INO80: variants seen among roughly 807,000 people sequenced by gnomAD.
INO80 encodes the protein INO80 complex ATPase subunit, also known as chromatin-remodeling ATPase INO80.
Under a neutral mutation model 203.4 loss-of-function variants are expected in INO80, and 20 were observed. The observed-to-expected ratio is 0.10, with a 90% CI of 0.07 to 0.14. INO80 has a LOEUF of 0.14. Ranked by LOEUF, INO80 falls within the 10% of genes least tolerant of loss-of-function variation. INO80 has a pLI of 1.00. For missense variants in INO80, 1,419 were observed against 1,914.4 expected (o/e 0.74, Z 4.83); for synonymous variants, 726 against 685.2 (o/e 1.06, Z -0.93).
chr15:41,112,220 A>AT (rs2045968235), intron 1 of INO80, among the ~76,000 whole-genome samples: 1 of 152,108 alleles, frequency 6.6e-6, no homozygotes, highest in South Asian at 2.1e-4. Flanking sequence ...TCTTCAAAAT[A>AT]TTTTTGGGGA....
chr15:41,094,915 A>G (rs942439972), intron 4 of INO80, among the ~76,000 whole-genome samples: 3 of 152,180 alleles, frequency 2.0e-5, no homozygotes, highest in Non-Finnish European at 4.4e-5. Flanking sequence ...AACATCCCCA[A>G]GGGAAAAATA....
chr15:41,111,274 C>G (rs1297826316), intron 1 of INO80, among the ~76,000 whole-genome samples: 1 of 151,872 alleles, frequency 6.6e-6, no homozygotes, highest in Non-Finnish European at 1.5e-5. Context: ...GGTGAAACCC[C>G]ATCTCTACTA....
At chr15:41,010,143 C>T (rs1444854028) in intron 27 of INO80, among the ~76,000 whole-genome samples, 2 of 151,866 alleles carry the variant, frequency 1.3e-5, no homozygotes, top group Non-Finnish European at 2.9e-5. Flanking sequence ...ACTTACAGAT[C>T]ACATCCACAC....
intron 9 of INO80, among the ~76,000 whole-genome samples, chr15:41,076,317 G>A (rs11853192): frequency 0.39 from 59,270 of 151,868 alleles, 11,713 homozygotes; most frequent in South Asian, 0.48. Flanking sequence ...CCGAGGTCAC[G>A]CCACTGCACT....
In INO80 at chr15:40,984,366, G is replaced by A. The variant is rs1893944231; in HGVS notation, c.3922-14C>T. ...TTCTTTTTTCTTCTGGGAACACACG[G>A]ATAAATATGGAAAACGTGTGAGGAT... On this transcript the variant is annotated splice_polypyrimidine_tract_variant and intron_variant, in intron 32 of 35. Transcript: ENST00000648947. 6.2e-7 allele frequency: 1 copy of A among 1,610,840 alleles called. No individual in the cohort carries two copies. Among genetic ancestry groups the A allele is most frequent in the Non-Finnish European group, 8.5e-7 (1 of 1,177,440 alleles).
intron 26 of INO80, 54 bp downstream of exon 26, chr15:41,020,846 T>C: frequency 1.8e-6 from 2 of 1,122,050 alleles, no homozygotes; most frequent in Non-Finnish European, 2.6e-6. Context: ...AAGATAACCC[T>C]GGTTCTCCCC....
intron 24 of INO80, among the ~76,000 whole-genome samples, chr15:41,031,515 G>A (rs1596274437): frequency 2.4e-5 from 2 of 83,080 alleles, no homozygotes; most frequent in Non-Finnish European, 4.9e-5. Flanking sequence ...AGGAAGGAAG[G>A]GGAAGGGAGG....
At chr15:41,044,480 A>G (rs2044719779) in intron 24 of INO80, among the ~76,000 whole-genome samples, 1 of 152,242 alleles carries the variant, frequency 6.6e-6, no homozygotes, top group African/African-American at 2.4e-5. Flanking sequence ...AAAGTTCACA[A>G]ACAGGCAAAA....
intron 22 of INO80, 26 bp from the exon 23 acceptor site, chr15:41,047,527 C>A (rs1315909544): frequency 1.3e-6 from 2 of 1,499,190 alleles, no homozygotes; most frequent in East Asian, 4.5e-5. Context: ...CAATTTGAAA[C>A]CCAACAGCAA....
chr15:41,041,089 T>A (rs2044658592), intron 24 of INO80, among the ~76,000 whole-genome samples: 1 of 152,178 alleles, frequency 6.6e-6, no homozygotes, highest in Non-Finnish European at 1.5e-5. Context: ...ACGTAGAGGG[T>A]CTCACTCTGT....
chr15:41,053,833 C>T lies in INO80; in HGVS notation c.2274+96G>A, dbSNP rs2044931563. The T allele has an allele frequency of 3.5e-6, 3 of 857,960 alleles. No homozygotes were observed. The Admixed American group carries it at 7.6e-5, about 22-fold the overall frequency. 53.1% of individuals were successfully genotyped at this position (857,960 alleles called of 1,614,324 possible). On this transcript the variant is annotated intron_variant, in intron 19 of 35. Transcript: ENST00000648947. Reference sequence around the variant, plus strand: ...GCAAGTTTAAACGTCTTCCTTCAAGCAAACTTCAACTAAACATATATCAAT... The same window carrying T: ...GCAAGTTTAAACGTCTTCCTTCAAGTAAACTTCAACTAAACATATATCAAT...
chr15:41,059,722 G>A, intron 15 of INO80, 145 bp downstream of exon 15: 1 of 544,766 alleles, frequency 1.8e-6, no homozygotes, highest in Non-Finnish European at 3.2e-6. Context: ...GAAAAGTATT[G>A]TATCAGAAAA....
At position 41,091,713 on chromosome 15, in the gene INO80, G is replaced by A. The variant is rs552837331; in HGVS notation, c.537+314C>T. Among the ~76,000 whole-genome samples, 16 of 139,280 alleles carry A rather than the reference G, an allele frequency of 1.1e-4. 1 individual carries two copies. In the East Asian group the frequency reaches 3.4e-3, roughly 29 times the overall value. 91.4% of individuals were successfully genotyped at this position (139,280 alleles called of 152,430 possible). ...CTCTGTCGCCAGGCTGGAGTGCAGT[G>A]CTGTGATCTCGGCTCACTGCAACCT... On this transcript the variant is annotated intron_variant, in intron 5 of 35. Transcript: ENST00000648947.
chr15:41,089,422 T>C (rs1284109763), intron 5 of INO80, among the ~76,000 whole-genome samples: 1 of 152,176 alleles, frequency 6.6e-6, no homozygotes, highest in Admixed American at 6.5e-5. Flanking sequence ...AAATATACTA[T>C]TGCTCATTAT....
intron 14 of INO80, among the ~76,000 whole-genome samples, chr15:41,060,331 G>A (rs2045079776): frequency 6.6e-6 from 1 of 152,186 alleles, no homozygotes. Context: ...GCTCACGCCT[G>A]TAATCCCAGC....
At chr15:41,114,960 T>C (rs2046008710) in intron 1 of INO80, among the ~76,000 whole-genome samples, 1 of 152,194 alleles carries the variant, frequency 6.6e-6, no homozygotes, top group East Asian at 1.9e-4. Flanking sequence ...GGCTACAGAA[T>C]TTAATAAATA....
At chr15:41,034,580 CAG>C (rs1284853337) in intron 24 of INO80, among the ~76,000 whole-genome samples, 4 of 152,272 alleles carry the variant, frequency 2.6e-5, no homozygotes, top group Middle Eastern at 6.8e-3. Flanking sequence ...TAGAAGGAAA[CAG>C]AATGAAAAAT....
At chr15:41,078,361 C>T (rs79306178) in intron 9 of INO80, among the ~76,000 whole-genome samples, 2,882 of 152,254 alleles carry the variant, frequency 0.019, 55 homozygotes, top group Non-Finnish European at 0.029. Flanking sequence ...AACTAAGAAT[C>T]TAGGTCTCAG....
intron 24 of INO80, among the ~76,000 whole-genome samples, chr15:41,041,366 C>T (rs1031751138): frequency 2.0e-5 from 3 of 151,512 alleles, no homozygotes; most frequent in Non-Finnish European, 4.4e-5. Flanking sequence ...GCTGGAATTA[C>T]GGGAATGAGC....
Sources: allele counts gnomAD v4.1 joint callset (sites outside exome capture counted in the v4.1 genomes callset), GRCh38; gene constraint gnomAD v4.1.1; transcripts MANE v1.5; gene names NCBI Gene and HGNC (gene_info 2026-07-23, HGNC 2026-07-21).